The following PPARGC1B variants were observed in gnomAD, a reference collection of about 807,000 sequenced individuals.
The protein encoded by PPARGC1B is peroxisome proliferator-activated receptor gamma coactivator 1-beta.
In PPARGC1B, 34 loss-of-function variants were observed where a neutral mutation model predicts 101.6. That is an observed-to-expected ratio of 0.33 (90% CI 0.25 to 0.45). The LOEUF is 0.45. Among genes scored for constraint, PPARGC1B ranks in the 20% least tolerant of loss-of-function variants. The pLI is 1.00. For missense variants in PPARGC1B, 1,234 were observed against 1,317.6 expected (o/e 0.94, Z 0.98); for synonymous variants, 548 against 539.3 (o/e 1.02, Z -0.22).
At chr5:149,754,663 T>C (rs1205403479) in intron 1 of PPARGC1B, among the ~76,000 whole-genome samples, 1 of 151,946 alleles carries the variant, frequency 6.6e-6, no homozygotes, top group Non-Finnish European at 1.5e-5. Context: ...AGAATGGGCC[T>C]GTCGGAGTCA....
chr5:149,844,143 G>A (rs1759456779), intron 10 of PPARGC1B, among the ~76,000 whole-genome samples: 2 of 152,166 alleles, frequency 1.3e-5, no homozygotes, highest in African/African-American at 4.8e-5. Flanking sequence ...GTCCTGTTAA[G>A]TGTTTTTGCC....
chr5:149,744,987 G>A (rs754443989), intron 1 of PPARGC1B, among the ~76,000 whole-genome samples: 2 of 148,910 alleles, frequency 1.3e-5, no homozygotes, highest in African/African-American at 2.5e-5. Flanking sequence ...CTGCAGTCTC[G>A]ACCTCTTGGG....
chr5:149,857,714 C>CT (rs1311604865), downstream of PPARGC1B, among the ~76,000 whole-genome samples: 7 of 152,342 alleles, frequency 4.6e-5, no homozygotes, highest in African/African-American at 1.7e-4. Flanking sequence ...TGTGGCTGCC[C>CT]TGTACACTAT....
In PPARGC1B at chr5:149,765,860, C is replaced by CA. The variant is rs10712476; in HGVS notation, c.78+35462dup. ...TGGGTGACAGAGTGAGACTCCGTCTCAAAAAAAAAAAAAAAAAAAAAATGG... is the reference window on the plus strand; with the variant it reads ...TGGGTGACAGAGTGAGACTCCGTCTCAAAAAAAAAAAAAAAAAAAAAAATGG... On this transcript the variant is annotated intron_variant, in intron 1 of 11. Transcript: ENST00000309241. Among the ~76,000 whole-genome samples the CA allele has an allele frequency of 6.0e-3, 535 of 88,700 alleles. 11 individuals carry two copies. Among genetic ancestry groups the CA allele is most frequent in the African/African-American group, 0.012 (290 of 23,636 alleles). 58.2% of individuals were successfully genotyped at this position (88,700 alleles called of 152,430 possible). A position where few individuals can be genotyped will look rare whatever the true frequency, so the allele number is the denominator to read the frequency against.
intron 7 of PPARGC1B, among the ~76,000 whole-genome samples, chr5:149,835,962 T>C (rs930371449): frequency 2.7e-5 from 4 of 150,448 alleles, no homozygotes; most frequent in African/African-American, 9.7e-5. Flanking sequence ...TTTTTTCTTT[T>C]TTTTTTTTTT....
chr5:149,841,273 C>G (rs1180622170), intron 9 of PPARGC1B, among the ~76,000 whole-genome samples: 1 of 152,066 alleles, frequency 6.6e-6, no homozygotes, highest in East Asian at 1.9e-4. Flanking sequence ...AGCGAAGACT[C>G]AGGGGGACAA....
At chr5:149,741,410 G>A (rs900228352) in intron 1 of PPARGC1B, among the ~76,000 whole-genome samples, 1 of 152,302 alleles carries the variant, frequency 6.6e-6, no homozygotes, top group East Asian at 1.9e-4. Flanking sequence ...TGGCACTGAG[G>A]GCAACCCGGC....
chr5:149,745,752 G>A (rs1363387290), intron 1 of PPARGC1B, among the ~76,000 whole-genome samples: 1 of 133,350 alleles, frequency 7.5e-6, no homozygotes, highest in Admixed American at 7.4e-5. Flanking sequence ...GAGGTCTAGA[G>A]AGTGACTTGG....
Position 149,826,881 on chromosome 5 carries a change from C to T in PPARGC1B, c.461C>T (p.Ser154Leu), listed in dbSNP as rs769403631. Reference sequence around the variant, plus strand: ...CCAGCCCCTGAGGTGGACGAGCTCTCACTGGTAAGAACCTACTTACAGCAG... The same window carrying T: ...CCAGCCCCTGAGGTGGACGAGCTCTTACTGGTAAGAACCTACTTACAGCAG... ...SAPAPEVDELSLLQKLLLATS... is the reference protein window; with the variant it reads ...SAPAPEVDELLLLQKLLLATS... The change falls in exon 3 of 12, where the codon TCA becomes TTA. Residue 154 changes from serine to leucine, a missense_variant. Transcript: ENST00000309241. 1.1e-5 allele frequency: 18 copies of T among 1,608,414 alleles called. No individual in the cohort carries two copies. Among genetic ancestry groups the T allele is most frequent in the Admixed American group, 3.3e-5 (2 of 59,784 alleles).
intron 1 of PPARGC1B, chr5:149,740,037 G>A (rs1021316142): frequency 6.6e-6 from 1 of 152,296 alleles, no homozygotes; most frequent in Non-Finnish European, 1.5e-5. Flanking sequence ...GGAGACCAGA[G>A]ACGAGACCTG....
Position 149,847,552 on chromosome 5 carries a change from G to C in PPARGC1B, c.3066G>C (p.Leu1022=), listed in dbSNP as rs1325297613. Residue 1022 remains leucine, a synonymous_variant, in exon 12 of 12, where the codon CTG becomes CTC. Coordinates refer to ENST00000309241, the MANE Select transcript of PPARGC1B (RefSeq NM_133263.4). ...TACTGAAAGAGGCCCAGCAGAGCCT[G>C]CATTGATAACAGCCTTAACCCTCGA... The part of the protein sequence containing the change: ...DSLLKEAQQS[L]H 3 of 1,612,732 alleles carry C rather than the reference G, an allele frequency of 1.9e-6. No homozygotes were observed. The highest frequency in any genetic ancestry group is 1.7e-5 in the Admixed American group (1 of 59,994).
intron 8 of PPARGC1B, among the ~76,000 whole-genome samples, chr5:149,838,185 G>A (rs185190659): frequency 1.3e-5 from 2 of 152,248 alleles, no homozygotes; most frequent in East Asian, 1.9e-4. Flanking sequence ...TACAACAAGT[G>A]TTCTTAACTG....
chr5:149,761,178 T>G (rs559322517), intron 1 of PPARGC1B, among the ~76,000 whole-genome samples: 95 of 152,214 alleles, frequency 6.2e-4, no homozygotes, highest in Non-Finnish European at 1.1e-3. Context: ...GTATATACTG[T>G]GAAAAGATGA....
chr5:149,836,163 A>G, intron 7 of PPARGC1B, 100 bp from the exon 8 acceptor site: 1 of 1,013,868 alleles, frequency 9.9e-7, no homozygotes, highest in Non-Finnish European at 1.5e-6. Flanking sequence ...TGTTGGGATT[A>G]TAGGTGTGAG....
Position 149,845,785 on chromosome 5 carries a change from T to TA in PPARGC1B, c.2843dup (p.Tyr948Ter), listed in dbSNP as rs1759528119. 6.2e-7 allele frequency: 1 copy of TA among 1,612,932 alleles called. No individual in the cohort carries two copies. The highest frequency in any genetic ancestry group is 8.5e-7 in the Non-Finnish European group (1 of 1,179,156). ...AGGCGAGAAGTACGGCTTCATCACCTACCGGTGTTCTGAGCACGCGGCCCT... is the reference window on the plus strand; with the variant it reads ...AGGCGAGAAGTACGGCTTCATCACCTAACCGGTGTTCTGAGCACGCGGCCCT... Reference protein sequence around the residue: ...RRGEKYGFITYRCSEHAALSL... With the variant: ...RRGEKYGFIT The change falls in exon 11 of 12, where the codon TAC becomes TAAC. Residue 948 changes from tyrosine (Y) to a stop codon, truncating the protein, a stop_gained and frameshift_variant. Transcript: ENST00000309241. LOFTEE classifies it high-confidence loss of function.
intron 1 of PPARGC1B, among the ~76,000 whole-genome samples, chr5:149,777,665 C>G (rs1231689090): frequency 2.0e-5 from 3 of 152,158 alleles, no homozygotes; most frequent in Non-Finnish European, 4.4e-5. Context: ...GCCCCTCCCC[C>G]AGCATCCTCA....
chr5:149,745,568 G>A (rs1005593866), intron 1 of PPARGC1B, among the ~76,000 whole-genome samples: 5 of 152,168 alleles, frequency 3.3e-5, no homozygotes, highest in African/African-American at 1.2e-4. Flanking sequence ...CTGCCTCAGT[G>A]TGGGGTACAG....
intron 2 of PPARGC1B, among the ~76,000 whole-genome samples, chr5:149,826,067 G>T (rs32581): frequency 0.4 from 60,132 of 151,976 alleles, 13,065 homozygotes; most frequent in African/African-American, 0.57. Flanking sequence ...GAGCCCAGAG[G>T]TGCTAAGTAT....
At chr5:149,857,102 A>G (rs531501014), downstream of PPARGC1B, among the ~76,000 whole-genome samples, 24 of 152,166 alleles carry the variant, frequency 1.6e-4, no homozygotes, top group African/African-American at 5.3e-4. Context: ...ACTTGGCTCT[A>G]CCGCTTATCA....
Sources: allele counts gnomAD v4.1 joint callset (sites outside exome capture counted in the v4.1 genomes callset), GRCh38; gene constraint gnomAD v4.1.1; transcripts MANE v1.5; gene names NCBI Gene and HGNC (gene_info 2026-07-23, HGNC 2026-07-21).